Variants in SLC43A1 observed in about 807,000 individuals in gnomAD.
SLC43A1 encodes the protein solute carrier family 43 member 1, also known as large neutral amino acids transporter small subunit 3.
In SLC43A1, 31 loss-of-function variants were observed where a neutral mutation model predicts 59.5. That is an observed-to-expected ratio of 0.52 (90% confidence interval 0.39 to 0.70). The LOEUF (loss-of-function observed/expected upper bound fraction) is 0.70, where lower values mean the gene tolerates loss of function less well. Among genes scored for constraint, SLC43A1 ranks in the 30% least tolerant of loss-of-function variants. SLC43A1 has a pLI of 0.00. For synonymous variants in SLC43A1, 259 were observed against 290.9 expected (o/e 0.89, Z 1.12); for missense variants, 598 against 717.8 (o/e 0.83, Z 1.91).
chr11:57,498,228 G>T (rs1476407834), intron 5 of SLC43A1, among the ~76,000 whole-genome samples: 1 of 152,098 alleles, frequency 6.6e-6, no homozygotes, highest in Non-Finnish European at 1.5e-5. Context: ...GAAGCTTGAG[G>T]TCAGGAGTTC....
rs1422014249 is a variant in SLC43A1 at position 57,485,116 on chromosome 11, C to T, written c.1660G>A (p.Gly554Ser). ...GAAGTCTATGCGGTCACCTCAGAGC[C>T]GCTAAGCACCTTCAGTGGGCCCATC... ...NGMGPLKVLS[G>S]SEVTA The change falls in exon 15 of 15, where the codon GGC becomes AGC. Residue 554 changes from glycine (G) to serine (S), a missense_variant. By Grantham distance (56) the Gly-to-Ser change is moderately conservative. Coordinates refer to ENST00000278426, the MANE Select transcript of SLC43A1 (RefSeq NM_003627.6). The T allele has an allele frequency of 8.7e-6, 14 of 1,613,874 alleles. No homozygotes were observed. Among genetic ancestry groups the T allele is most frequent in the African/African-American group, 1.3e-5 (1 of 75,000 alleles).
chr11:57,495,985 G>T (rs1944070641), intron 7 of SLC43A1, 46 bp downstream of exon 7: 1 of 1,602,148 alleles, frequency 6.2e-7, no homozygotes, highest in African/African-American at 1.3e-5. Context: ...TATCACCACA[G>T]CCCTCTCTGC....
At chr11:57,502,680 G>C (rs1042853739) in intron 2 of SLC43A1, among the ~76,000 whole-genome samples, 1 of 152,072 alleles carries the variant, frequency 6.6e-6, no homozygotes, top group Admixed American at 6.6e-5. Flanking sequence ...AGACCAGCCT[G>C]AGCAACATTG....
intron 3 of SLC43A1, 28 bp from the exon 4 acceptor site, chr11:57,501,071 G>A (rs1363134316): frequency 6.2e-7 from 1 of 1,607,166 alleles, no homozygotes; most frequent in Admixed American, 1.7e-5. Context: ...AGGGCGAGGG[G>A]TTGGCCTGTG....
Position 57,514,280 on chromosome 11 carries a change from C to G in SLC43A1, c.-13-156G>C, listed in dbSNP as rs745323851. 4.9e-5 allele frequency: 42 copies of G among 853,294 alleles called. No individual in the cohort carries two copies. Among genetic ancestry groups the G allele is most frequent in the Non-Finnish European group, 7.2e-5 (41 of 570,928 alleles). The allele number at this position is 853,294 out of a possible 1,614,324, so 52.9% of individuals were successfully genotyped here. A position where few individuals can be genotyped will look rare whatever the true frequency, so the allele number is the denominator to read the frequency against. On this transcript the variant is annotated intron_variant, in intron 1 of 14. Transcript: ENST00000278426. The surrounding 1 kb of genome is among the most constrained non-coding windows in gnomAD (Gnocchi z 5.5). ...GGGCTTCCCAGCCGGTGCCAAGGAG[C>G]TGGCTCCGCGCGCACTAGCAGTGCC...
At chr11:57,489,064 G>T (rs1274490571) in intron 12 of SLC43A1, 75 bp from the exon 13 acceptor site, 1 of 1,478,786 alleles carries the variant, frequency 6.8e-7, no homozygotes, top group Admixed American at 1.7e-5. Context: ...AGGGCGAAGA[G>T]GCCAACTGGG....
rs1045019906 is a variant in SLC43A1, at chr11:57,514,331, C to T, written c.-13-207G>A. 7.0e-6 allele frequency: 4 copies of T among 568,432 alleles called. No individual in the cohort carries two copies. The highest frequency in any genetic ancestry group is 6.8e-5 in the South Asian group (3 of 44,060). The allele number at this position is 568,432 out of a possible 1,614,324, so 35.2% of individuals were successfully genotyped here. ...AGAGGTGCACGCGGCACGGGGCTCC[C>T]GCTGAGCCACTATCGGAAACAAGGA... On this transcript the variant is annotated intron_variant, in intron 1 of 14. Coordinates refer to ENST00000278426, the MANE Select transcript of SLC43A1 (RefSeq NM_003627.6). The surrounding 1 kb of genome is among the most constrained non-coding windows in gnomAD (Gnocchi z 5.5).
rs569231138 is a variant in SLC43A1, at chr11:57,498,651, GGTTGACGTCCCAGCCCA to G, written c.466-823_466-807del. Among the ~76,000 whole-genome samples the G allele has an allele frequency of 9.9e-5, 15 of 152,162 alleles. No individual in the cohort carries two copies. In the East Asian group the frequency reaches 2.9e-3, roughly 29 times the overall value. On this transcript the variant is annotated intron_variant, in intron 5 of 14. Transcript: ENST00000278426. Reference sequence around the variant, plus strand: ...ATAGGCAGTGCCTCTTAACCCTCTCGGTTGACGTCCCAGCCCAGTTTCTGCCTAATCAGGACAAATCA... The same window carrying G: ...ATAGGCAGTGCCTCTTAACCCTCTCGGTTTCTGCCTAATCAGGACAAATCA...
At chr11:57,495,310 G>A (rs1212980446) in intron 7 of SLC43A1, among the ~76,000 whole-genome samples, 3 of 151,264 alleles carry the variant, frequency 2.0e-5, no homozygotes, top group Non-Finnish European at 4.4e-5. Context: ...CCAACATGGT[G>A]AAACCCCGTC....
At position 57,504,781 on chromosome 11, in the gene SLC43A1, C is replaced by T. The variant is rs114882540; in HGVS notation, c.155-3452G>A. On this transcript the variant is annotated intron_variant, in intron 2 of 14. Transcript: ENST00000278426. ...GAAAGGACATGTGCTCTTCCACTAACGGAGAATCCATTCCCGTGAAATGCT... is the reference window on the plus strand; with the variant it reads ...GAAAGGACATGTGCTCTTCCACTAATGGAGAATCCATTCCCGTGAAATGCT... 3.4e-3 allele frequency among the ~76,000 whole-genome samples: 516 copies of T among 152,314 alleles called. 3 individuals carry two copies. The highest frequency in any genetic ancestry group is 0.012 in the African/African-American group (479 of 41,568).
At chr11:57,497,718 G>A (rs1286563943) in intron 6 of SLC43A1, 35 bp downstream of exon 6, 1 of 1,559,882 alleles carries the variant, frequency 6.4e-7, no homozygotes, top group African/African-American at 1.4e-5. Flanking sequence ...CGGTTCTTGT[G>A]TCAAGACAAA....
intron 8 of SLC43A1, among the ~76,000 whole-genome samples, chr11:57,492,612 C>T (rs1485537608): frequency 7.1e-6 from 1 of 140,502 alleles, no homozygotes; most frequent in East Asian, 2.0e-4. Flanking sequence ...CACCTGTATT[C>T]CCAGCTACTC....
intron 8 of SLC43A1, 69 bp from the exon 9 acceptor site, chr11:57,491,931 G>C: frequency 6.7e-7 from 1 of 1,486,432 alleles, no homozygotes; most frequent in Admixed American, 1.8e-5. Context: ...CCCAGCTCAT[G>C]CAGTTCTTGG....
intron 8 of SLC43A1, among the ~76,000 whole-genome samples, chr11:57,492,563 TATATATATATAA>T (rs1430023638): frequency 0.19 from 4,117 of 21,482 alleles, 128 homozygotes; most frequent in East Asian, 0.39. Context: ...TATATATATA[TATATATATATAA>T]AAAAATAAGC....
At chr11:57,511,028 A>T (rs1248085201) in intron 2 of SLC43A1, among the ~76,000 whole-genome samples, 1 of 152,148 alleles carries the variant, frequency 6.6e-6, no homozygotes, top group Non-Finnish European at 1.5e-5. Flanking sequence ...TAGTGTAGCC[A>T]CTTTGGAAAA....
At chr11:57,488,857 T>C (rs1465678121) in intron 13 of SLC43A1, 59 bp downstream of exon 13, 10 of 1,453,594 alleles carry the variant, frequency 6.9e-6, no homozygotes, top group Non-Finnish European at 9.7e-6. Context: ...AACCCTTCCC[T>C]GGGGTTCTCT....
At position 57,501,228 on chromosome 11, in the gene SLC43A1, C is replaced by T. The variant is rs142199497; in HGVS notation, c.256G>A (p.Val86Met). Reference protein sequence around the residue: ...LNLGFTIGSFVLSATTLPLGI... With the variant: ...LNLGFTIGSFMLSATTLPLGI... ...AGTGGCAGGGTGGTGGCGCTGAGCA[C>T]GAAGGAACCAATGGTGAAGCCCAGG... is the stretch of plus-strand genomic sequence containing the variant. The change falls in exon 3 of 15, where the codon GTG becomes ATG. Residue 86 changes from valine to methionine, a missense_variant. Val to Met is a conservative substitution (Grantham distance 21). Transcript: ENST00000278426. The T allele has an allele frequency of 3.2e-5, 51 of 1,612,466 alleles. No individual in the cohort carries two copies. The highest frequency in any genetic ancestry group is 1.6e-4 in the Middle Eastern group (1 of 6,062).
chr11:57,485,677 G>A (rs1476946154), intron 14 of SLC43A1, among the ~76,000 whole-genome samples: 1 of 152,206 alleles, frequency 6.6e-6, no homozygotes, highest in African/African-American at 2.4e-5. Context: ...CAGCCTGGTG[G>A]ACAGAAGGCT....
intron 2 of SLC43A1, among the ~76,000 whole-genome samples, chr11:57,506,951 G>A (rs1944408575): frequency 1.3e-5 from 2 of 152,202 alleles, no homozygotes; most frequent in Admixed American, 1.3e-4. Flanking sequence ...AGAAACAGAG[G>A]CTCCGTTAGC....
Sources: gnomAD v4.1 joint callset for allele counts (sites outside exome capture counted in the v4.1 genomes callset) on GRCh38, gnomAD v4.1.1 for gene constraint, Gnocchi (gnomAD v3.1) non-coding constraint, MANE v1.5 for transcripts, NCBI Gene and HGNC (gene_info 2026-07-23, HGNC 2026-07-21) for gene names.